CDC42SE2: variants seen among roughly 807,000 people sequenced by gnomAD.
CDC42SE2 encodes CDC42 small effector 2, also known as CDC42 small effector protein 2.
CDC42SE2 carries 3 observed loss-of-function variants against 11.5 expected under a neutral mutation model. That is an observed-to-expected ratio of 0.26 (90% confidence interval 0.12 to 0.67). The LOEUF (loss-of-function observed/expected upper bound fraction) is 0.67. Among genes scored for constraint, CDC42SE2 ranks in the 30% least tolerant of loss-of-function variants. CDC42SE2 has a pLI of 0.80. For missense variants in CDC42SE2, 82 were observed against 106.8 expected, an observed-to-expected ratio of 0.77 and a Z score of 1.02; for synonymous variants, 33 against 34.8, an observed-to-expected ratio of 0.95 and a Z score of 0.18.
At chr5:131,341,047 A>G (rs535542282) in intron 2 of CDC42SE2, among the ~76,000 whole-genome samples, 1 of 152,296 alleles carries the variant, frequency 6.6e-6, no homozygotes, top group African/African-American at 2.4e-5. Context: ...GCAATAATCA[A>G]ATCAATTGGC....
At chr5:131,324,501 G>A (rs1580754458) in intron 2 of CDC42SE2, among the ~76,000 whole-genome samples, 1 of 152,056 alleles carries the variant, frequency 6.6e-6, no homozygotes, top group African/African-American at 2.4e-5. Context: ...ATAAGAATTA[G>A]TTGTGCAGCT....
intron 3 of CDC42SE2, among the ~76,000 whole-genome samples, chr5:131,378,870 T>C (rs1224331065): frequency 6.6e-6 from 1 of 152,142 alleles, no homozygotes; most frequent in Admixed American, 6.5e-5. Context: ...AGATATGCTG[T>C]TAAAAAGAAT....
At chr5:131,312,233 G>T (rs967906662) in intron 1 of CDC42SE2, among the ~76,000 whole-genome samples, 38 of 151,716 alleles carry the variant, frequency 2.5e-4, no homozygotes, top group Non-Finnish European at 3.4e-4. Flanking sequence ...CCTGCTGGGG[G>T]GTGCCTCCCA....
intron 3 of CDC42SE2, among the ~76,000 whole-genome samples, chr5:131,379,441 T>C (rs1437062634): frequency 1.3e-5 from 2 of 152,228 alleles, no homozygotes; most frequent in African/African-American, 4.8e-5. Context: ...CTACAGTTGA[T>C]CCATATGCCA....
chr5:131,355,611 C>G (rs562374564), intron 2 of CDC42SE2, among the ~76,000 whole-genome samples: 3 of 152,126 alleles, frequency 2.0e-5, no homozygotes, highest in Non-Finnish European at 4.4e-5. Context: ...TGTCACAGAT[C>G]TTTTATTTCA....
upstream of CDC42SE2, among the ~76,000 whole-genome samples, chr5:131,242,681 T>C (rs1756549388): frequency 6.6e-6 from 1 of 152,196 alleles, no homozygotes; most frequent in South Asian, 2.1e-4. Flanking sequence ...TTGATCATTT[T>C]TTAACGTAAC....
chr5:131,350,340 A>T (rs1204601818), intron 2 of CDC42SE2, among the ~76,000 whole-genome samples: 1 of 151,882 alleles, frequency 6.6e-6, no homozygotes, highest in African/African-American at 2.4e-5. Context: ...TTATAAAAAT[A>T]CAAAAAAAAA....
At chr5:131,359,161 G>A (rs1025978683) in intron 2 of CDC42SE2, 48 bp from the exon 3 acceptor site, 3 of 199,488 alleles carry the variant, frequency 1.5e-5, no homozygotes, top group Non-Finnish European at 3.0e-5. Context: ...AAGCTTTCAA[G>A]GATAAGTAAA....
chr5:131,295,551 A>T (rs1464225589), intron 1 of CDC42SE2, among the ~76,000 whole-genome samples: 1 of 152,238 alleles, frequency 6.6e-6, no homozygotes, highest in Non-Finnish European at 1.5e-5. Context: ...AATGCGTCAC[A>T]TACATAAGTA....
chr5:131,265,435 G>C (rs1157562488), intron 1 of CDC42SE2, among the ~76,000 whole-genome samples: 1 of 152,098 alleles, frequency 6.6e-6, no homozygotes, highest in Non-Finnish European at 1.5e-5. Context: ...TTGAGCAAGG[G>C]AGAACTCTAA....
At chr5:131,220,193 C>T in the CDC42SE2 span, among the ~76,000 whole-genome samples, 1 of 151,954 alleles carries the variant, frequency 6.6e-6, no homozygotes, top group South Asian at 2.1e-4. Context: ...ATACTTTTGA[C>T]CTTTATCTCA....
chr5:131,376,036 C>T (rs574072756), intron 3 of CDC42SE2, among the ~76,000 whole-genome samples: 101 of 152,012 alleles, frequency 6.6e-4, no homozygotes, highest in African/African-American at 2.3e-3. Flanking sequence ...GTCAGGAGTT[C>T]GAGACCAGCC....
chr5:131,334,964 C>G (rs916935842), intron 2 of CDC42SE2, among the ~76,000 whole-genome samples: 2 of 152,100 alleles, frequency 1.3e-5, no homozygotes, highest in African/African-American at 4.8e-5. Context: ...GTCTTTGTTT[C>G]CTTCAGTTCT....
At chr5:131,380,860 C>T (rs925001079) in intron 3 of CDC42SE2, among the ~76,000 whole-genome samples, 4 of 152,222 alleles carry the variant, frequency 2.6e-5, no homozygotes, top group African/African-American at 9.6e-5. Flanking sequence ...TGTTCTCTTT[C>T]TCCATTTTCC....
At chr5:131,214,152 T>C in the CDC42SE2 span, among the ~76,000 whole-genome samples, 2 of 152,228 alleles carry the variant, frequency 1.3e-5, no homozygotes, top group Non-Finnish European at 2.9e-5. Context: ...GTATGATGTA[T>C]TTTTAGTGTC....
chr5:131,318,182 A>T (rs143113450), intron 2 of CDC42SE2, among the ~76,000 whole-genome samples: 1 of 152,064 alleles, frequency 6.6e-6, no homozygotes, highest in East Asian at 1.9e-4. Flanking sequence ...CAAGAGGTCT[A>T]CCTGCGTTGG....
In CDC42SE2 at chr5:131,311,056, G is replaced by T. The variant is rs560061725; in HGVS notation, c.-454-4920G>T. 1.4e-4 allele frequency among the ~76,000 whole-genome samples: 21 copies of T among 151,286 alleles called. No homozygotes were observed. The East Asian group carries it at 1.7e-3, about 13-fold the overall frequency. ...TAGTCTGGATGGTCTTTACATTTTG[G>T]CATGATTTTGCAGCGGCTGGTACCA... On this transcript the variant is annotated intron_variant, in intron 1 of 4. Coordinates refer to ENST00000505065, the MANE Select transcript of CDC42SE2 (RefSeq NM_001375635.1).
chr5:131,315,275 G>A (rs1028870342), intron 1 of CDC42SE2, among the ~76,000 whole-genome samples: 1 of 152,116 alleles, frequency 6.6e-6, no homozygotes, highest in African/African-American at 2.4e-5. Context: ...CACACAGCTA[G>A]TCATTTGCAG....
intron 2 of CDC42SE2, among the ~76,000 whole-genome samples, chr5:131,326,784 G>T (rs972506722): frequency 1.3e-5 from 2 of 151,696 alleles, no homozygotes; most frequent in African/African-American, 4.8e-5. Context: ...TTTTTATTAT[G>T]TTTATTTTTT....
Sources: allele counts gnomAD v4.1 joint callset (sites outside exome capture counted in the v4.1 genomes callset), GRCh38; gene constraint gnomAD v4.1.1; transcripts MANE v1.5; gene names NCBI Gene and HGNC (gene_info 2026-07-23, HGNC 2026-07-21).